PTER: variants seen among roughly 807,000 people sequenced by gnomAD.
PTER encodes phosphotriesterase related, also known as N-acetyltaurine hydrolase.
In PTER, 38 loss-of-function variants were observed where a neutral mutation model predicts 29.6. That is an observed-to-expected ratio of 1.28 (90% CI 0.99 to 1.68). The LOEUF (loss-of-function observed/expected upper bound fraction) is 1.68. Ranked by LOEUF, PTER falls within the 40% of genes most tolerant of loss-of-function variation. The pLI is 0.00. For synonymous variants in PTER, 172 were observed against 154.5 expected, an observed-to-expected ratio of 1.11 and a Z score of -0.84; for missense variants, 482 against 427.8, an observed-to-expected ratio of 1.13 and a Z score of -1.12.
chr10:16,447,566 C>T (rs896918433), intron 1 of PTER, among the ~76,000 whole-genome samples: 8 of 151,984 alleles, frequency 5.3e-5, no homozygotes, highest in African/African-American at 1.9e-4. Context: ...TTCACATTAG[C>T]ATTAAGGACA....
At chr10:16,480,425 G>A (rs964440586) in intron 1 of PTER, among the ~76,000 whole-genome samples, 5 of 151,902 alleles carry the variant, frequency 3.3e-5, no homozygotes, top group African/African-American at 1.2e-4. Flanking sequence ...CGAACTCCTG[G>A]CCTTAAGTGA....
chr10:16,452,707 TTTCCTC>T (rs1490149689), intron 1 of PTER, among the ~76,000 whole-genome samples: 1 of 151,740 alleles, frequency 6.6e-6, no homozygotes, highest in African/African-American at 2.4e-5. Context: ...TCTCCTTCCT[TTTCCTC>T]TTCCTCTTCT....
intron 1 of PTER, among the ~76,000 whole-genome samples, chr10:16,472,720 C>T (rs1221903732): frequency 6.6e-6 from 1 of 152,274 alleles, no homozygotes; most frequent in East Asian, 1.9e-4. Context: ...CTAATAAATA[C>T]TTTACTTCTT....
chr10:16,458,721 G>T (rs1173804166), intron 1 of PTER, among the ~76,000 whole-genome samples: 1 of 152,132 alleles, frequency 6.6e-6, no homozygotes, highest in Non-Finnish European at 1.5e-5. Context: ...GTATTTACTG[G>T]GTGTGAAAGC....
intron 3 of PTER, among the ~76,000 whole-genome samples, chr10:16,503,597 G>C (rs1344771361): frequency 6.6e-6 from 1 of 151,778 alleles, no homozygotes; most frequent in African/African-American, 2.4e-5. Flanking sequence ...GTAGAGATGG[G>C]GTTTCGCCAT....
chr10:16,479,433 A>G (rs984959041), intron 1 of PTER, among the ~76,000 whole-genome samples: 1 of 152,104 alleles, frequency 6.6e-6, no homozygotes, highest in African/African-American at 2.4e-5. Flanking sequence ...TTCAAAGAAG[A>G]TATATTGCAG....
In PTER at chr10:16,486,522, T is replaced by C. The variant is rs1387194545; in HGVS notation, c.603T>C (p.His201=). Residue 201 remains histidine (H), a synonymous_variant, in exon 3 of 5, where the codon CAT becomes CAC. Coordinates refer to ENST00000535784, the MANE Select transcript of PTER (RefSeq NM_001261836.2). ...AGCTTGGTTGTCCTGTTATTATCCA[T>C]CCTGGACGGAGCTCCAGGGCACCAT... is the stretch of plus-strand genomic sequence containing the variant. The part of the protein sequence containing the change: ...QAQLGCPVII[H]PGRSSRAPFQ... The C allele has an allele frequency of 6.2e-7, 1 of 1,614,030 alleles. No homozygotes were observed. The highest frequency in any genetic ancestry group is 1.3e-5 in the African/African-American group (1 of 75,036).
intron 3 of PTER, among the ~76,000 whole-genome samples, chr10:16,501,345 ACACACACACACACACACACACACATG>A (rs1339949217): frequency 8.9e-6 from 1 of 112,672 alleles, no homozygotes; most frequent in Non-Finnish European, 1.8e-5. Context: ...ACACACACAC[ACACACACACACACACACACACACATG>A]CACACACACA....
At chr10:16,485,481 T>A (rs778142495) in intron 2 of PTER, among the ~76,000 whole-genome samples, 1 of 152,208 alleles carries the variant, frequency 6.6e-6, no homozygotes, top group Non-Finnish European at 1.5e-5. Context: ...TTTACACATA[T>A]ATGTATATAT....
intron 3 of PTER, among the ~76,000 whole-genome samples, chr10:16,500,377 G>GCAA (rs1260905302): frequency 6.6e-6 from 1 of 152,070 alleles, no homozygotes; most frequent in Non-Finnish European, 1.5e-5. Context: ...AGCCTCCTGA[G>GCAA]CAACTGGGAC....
In PTER at chr10:16,511,337, A is replaced by G. The variant is rs1211237434; in HGVS notation, c.*81A>G. On this transcript the variant is annotated 3_prime_UTR_variant, in exon 5 of 5. Coordinates refer to ENST00000535784, the MANE Select transcript of PTER (RefSeq NM_001261836.2). Reference sequence around the variant, plus strand: ...GATTTCCAGTCCACTGTGAGATATTAATCAGTTACCTAGGACTAATGACAG... The same window carrying G: ...GATTTCCAGTCCACTGTGAGATATTGATCAGTTACCTAGGACTAATGACAG... 2 of 1,278,830 alleles carry G rather than the reference A, an allele frequency of 1.6e-6. No individual in the cohort carries two copies. The highest frequency in any genetic ancestry group is 2.3e-6 in the Non-Finnish European group (2 of 887,210). 79.2% of individuals were successfully genotyped at this position (1,278,830 alleles called of 1,614,324 possible). A position where few individuals can be genotyped will look rare whatever the true frequency, so the allele number is the denominator to read the frequency against.
At chr10:16,457,552 C>T (rs1313459025) in intron 1 of PTER, among the ~76,000 whole-genome samples, 2 of 151,534 alleles carry the variant, frequency 1.3e-5, no homozygotes, top group African/African-American at 2.4e-5. Context: ...TTAGGAAAGC[C>T]GTGTTTAGTT....
chr10:16,476,883 C>A (rs1835285545), intron 1 of PTER, among the ~76,000 whole-genome samples: 1 of 149,440 alleles, frequency 6.7e-6, no homozygotes, highest in Admixed American at 6.7e-5. Context: ...ATTCAAACCA[C>A]CCCTCCATCC....
intron 1 of PTER, among the ~76,000 whole-genome samples, chr10:16,439,318 C>T (rs547283580): frequency 9.9e-5 from 15 of 152,134 alleles, no homozygotes; most frequent in African/African-American, 3.4e-4. Flanking sequence ...CAGAAAATAC[C>T]TTCAATATGG....
chr10:16,478,335 G>GTTTTTTTTTT (rs34168657), intron 1 of PTER, among the ~76,000 whole-genome samples: 3 of 140,250 alleles, frequency 2.1e-5, no homozygotes, highest in Non-Finnish European at 1.5e-5. Flanking sequence ...CCTCGTTTCC[G>GTTTTTTTTTT]TTTTTTTTTT....
intron 3 of PTER, among the ~76,000 whole-genome samples, chr10:16,488,964 CT>C (rs1835800853): frequency 6.6e-6 from 1 of 152,090 alleles, no homozygotes; most frequent in Admixed American, 6.6e-5. Context: ...AAGGATGTAC[CT>C]TTCATTGTTT....
chr10:16,440,475 G>A (rs1336350519), intron 1 of PTER, among the ~76,000 whole-genome samples: 1 of 152,180 alleles, frequency 6.6e-6, no homozygotes, highest in Non-Finnish European at 1.5e-5. Context: ...TGGCTCTGTG[G>A]TTGTACCTAT....
At chr10:16,445,776 T>C (rs1240053910) in intron 1 of PTER, among the ~76,000 whole-genome samples, 1 of 152,120 alleles carries the variant, frequency 6.6e-6, no homozygotes, top group African/African-American at 2.4e-5. Flanking sequence ...GTAGGAAGGA[T>C]CCTACAGGCT....
chr10:16,467,990 A>G (rs925730325), intron 1 of PTER, among the ~76,000 whole-genome samples: 2 of 152,186 alleles, frequency 1.3e-5, no homozygotes, highest in African/African-American at 4.8e-5. Context: ...CATATTCCGT[A>G]AAAGGGCTGT....
Sources: allele counts gnomAD v4.1 joint callset (sites outside exome capture counted in the v4.1 genomes callset), GRCh38; gene constraint gnomAD v4.1.1; transcripts MANE v1.5; gene names NCBI Gene and HGNC (gene_info 2026-07-23, HGNC 2026-07-21).